The following KIAA1549 variants were observed in gnomAD, a reference collection of about 807,000 sequenced individuals.
KIAA1549 encodes KIAA1549, also known as UPF0606 protein KIAA1549.
KIAA1549 carries 70 observed loss-of-function variants against 156.4 expected under a neutral mutation model. That is an observed-to-expected ratio of 0.45 (90% CI 0.37 to 0.55). KIAA1549 has a LOEUF of 0.55. Ranked by LOEUF, KIAA1549 falls within the 20% of genes least tolerant of loss-of-function variation. The probability of loss-of-function intolerance (pLI) is 0.00; values close to 1 mark genes in which losing one functional copy is unlikely to be tolerated. For synonymous variants in KIAA1549, 1,103 were observed against 1,066.4 expected, an observed-to-expected ratio of 1.03 and a Z score of -0.67; for missense variants, 2,428 against 2,540.9, an observed-to-expected ratio of 0.96 and a Z score of 0.96.
intron 2 of KIAA1549, 90 bp from the exon 3 acceptor site, chr7:138,912,550 A>C: frequency 4.9e-6 from 5 of 1,015,674 alleles, no homozygotes; most frequent in Non-Finnish European, 7.7e-6. Context: ...CTGTGCCAAA[A>C]TGTGTTAGCA....
intron 16 of KIAA1549, among the ~76,000 whole-genome samples, chr7:138,852,573 T>TCTGTATCTTCTGCTGCAAAC (rs1406348107): frequency 6.6e-6 from 1 of 152,210 alleles, no homozygotes. Context: ...CACAGATCCA[T>TCTGTATCTTCTGCTGCAAAC]CTGTATCTTC....
At chr7:138,920,815 T>C (rs1812544756) in intron 1 of KIAA1549, among the ~76,000 whole-genome samples, 1 of 152,260 alleles carries the variant, frequency 6.6e-6, no homozygotes, top group African/African-American at 2.4e-5. Context: ...AAGGACAGTC[T>C]TGAATTTACT....
intron 15 of KIAA1549, among the ~76,000 whole-genome samples, chr7:138,865,426 A>G (rs1810708699): frequency 6.6e-6 from 1 of 150,560 alleles, no homozygotes; most frequent in Non-Finnish European, 1.5e-5. Context: ...CTTCCCTAGT[A>G]TAGGCTTGAA....
chr7:138,910,700 ATTTTTTT>A (rs10686011), intron 4 of KIAA1549, among the ~76,000 whole-genome samples: 6 of 112,018 alleles, frequency 5.4e-5, no homozygotes, highest in African/African-American at 1.5e-4. Context: ...ACTTGGTCTA[ATTTTTTT>A]TTTTTTTTTT....
At chr7:138,978,486 T>C (rs1814445197) in intron 1 of KIAA1549, among the ~76,000 whole-genome samples, 1 of 152,200 alleles carries the variant, frequency 6.6e-6, no homozygotes, top group South Asian at 2.1e-4. Context: ...GTAAATTTTT[T>C]TTTTAAAAAA....
At chr7:138,846,317 C>T (rs1332973660) in intron 17 of KIAA1549, among the ~76,000 whole-genome samples, 3 of 152,102 alleles carry the variant, frequency 2.0e-5, no homozygotes, top group Middle Eastern at 3.4e-3. Flanking sequence ...GGCAGATCAC[C>T]TGAGGTCAGG....
At position 138,916,959 on chromosome 7, in the gene KIAA1549, A is replaced by G; in HGVS notation, c.2667T>C (p.Gly889=). The G allele has an allele frequency of 1.2e-6, 2 of 1,604,426 alleles. No homozygotes were observed. The highest frequency in any genetic ancestry group is 2.2e-5 in the South Asian group (2 of 89,140). ...TSTEVSTTST[G]AATGGPLDST... is the part of the protein sequence containing the mutation. Reference sequence around the variant, plus strand: ...AGTCGAGGGGACCACCAGTGGCAGCACCGGTGCTGGTTGTGCTCACTTCCG... The same window carrying G: ...AGTCGAGGGGACCACCAGTGGCAGCGCCGGTGCTGGTTGTGCTCACTTCCG... Residue 889 remains glycine, a synonymous_variant, in exon 2 of 20, where the codon GGT becomes GGC. Transcript: ENST00000422774.
chr7:138,848,469 C>T (rs1810140756), intron 17 of KIAA1549, among the ~76,000 whole-genome samples: 1 of 152,192 alleles, frequency 6.6e-6, no homozygotes, highest in Non-Finnish European at 1.5e-5. Context: ...ACTTACACTG[C>T]TTGGTTTTTA....
At chr7:138,916,596 C>T (rs1228616111) in intron 2 of KIAA1549, among the ~76,000 whole-genome samples, 152 bp downstream of exon 2, 2 of 152,120 alleles carry the variant, frequency 1.3e-5, no homozygotes, top group Non-Finnish European at 2.9e-5. Flanking sequence ...TCTGAGAACT[C>T]GCAGGAGGTA....
intron 1 of KIAA1549, among the ~76,000 whole-genome samples, chr7:138,946,012 T>C (rs1434442569): frequency 3.3e-5 from 5 of 151,858 alleles, no homozygotes; most frequent in Non-Finnish European, 7.4e-5. Flanking sequence ...AGCTTACAAG[T>C]TCCCCTTCCC....
intron 5 of KIAA1549, among the ~76,000 whole-genome samples, chr7:138,907,871 G>A (rs142171500): frequency 0.011 from 1,622 of 152,178 alleles, 30 homozygotes; most frequent in African/African-American, 0.037. Flanking sequence ...GAATGAAAAC[G>A]CAGCTAGCTC....
intron 10 of KIAA1549, among the ~76,000 whole-genome samples, chr7:138,892,930 C>T (rs1811582118): frequency 6.6e-6 from 1 of 152,146 alleles, no homozygotes; most frequent in Non-Finnish European, 1.5e-5. Flanking sequence ...ATCTGGGAGA[C>T]CCACGGAAAG....
intron 1 of KIAA1549, among the ~76,000 whole-genome samples, chr7:138,943,765 C>T (rs934847583): frequency 3.3e-5 from 5 of 151,876 alleles, no homozygotes; most frequent in East Asian, 3.9e-4. Context: ...AGGCGAATGG[C>T]GTGAACCCGG....
At chr7:138,909,353 A>G (rs761072847) in intron 4 of KIAA1549, among the ~76,000 whole-genome samples, 38 of 152,220 alleles carry the variant, frequency 2.5e-4, no homozygotes, top group Non-Finnish European at 4.6e-4. Context: ...AAAATGAAAA[A>G]TATCTAAGAT....
chr7:138,938,312 G>A (rs1813077689), intron 1 of KIAA1549, among the ~76,000 whole-genome samples: 1 of 152,116 alleles, frequency 6.6e-6, no homozygotes, highest in South Asian at 2.1e-4. Context: ...CAGCCCAAAT[G>A]GACTAAGACA....
chr7:138,978,924 C>T (rs997906115), intron 1 of KIAA1549, among the ~76,000 whole-genome samples: 1 of 152,226 alleles, frequency 6.6e-6, no homozygotes, highest in Non-Finnish European at 1.5e-5. Flanking sequence ...GGAAGCCACC[C>T]TCCACCAAGA....
rs148007950 is a variant in KIAA1549, at chr7:138,916,913, C to T, written c.2713G>A (p.Ala905Thr). The T allele has an allele frequency of 8.1e-6, 13 of 1,612,884 alleles. No individual in the cohort carries two copies. The highest frequency in any genetic ancestry group is 4.5e-5 in the East Asian group (2 of 44,880). ...CTACTCTCTGGGGGGCTCTGACTTG[C>T]GGCGTCACCCATCAGGGTGGAGTCG... is the stretch of plus-strand genomic sequence containing the variant. ...PLDSTLMGDA[A>T]SQSPPESSAA... The change falls in exon 2 of 20, where the codon GCA becomes ACA. Residue 905 changes from alanine (A) to threonine (T), a missense_variant. This residue lies in a region of KIAA1549 where 762 missense variants were observed against 901.6 expected (regional missense o/e 0.85). Coordinates refer to ENST00000422774, the MANE Select transcript of KIAA1549 (RefSeq NM_001164665.2).
At chr7:138,878,771 T>C (rs1401965695) in intron 12 of KIAA1549, among the ~76,000 whole-genome samples, 1 of 150,704 alleles carries the variant, frequency 6.6e-6, no homozygotes, top group African/African-American at 2.4e-5. Flanking sequence ...CAAAAAAAAA[T>C]AGTAATAATA....
chr7:138,842,198 A>C (rs1227431733), intron 18 of KIAA1549, among the ~76,000 whole-genome samples: 2 of 152,228 alleles, frequency 1.3e-5, no homozygotes, highest in African/African-American at 2.4e-5. Flanking sequence ...CAGTAGCTGA[A>C]ATCATCATTC....
Sources: allele counts gnomAD v4.1 joint callset (sites outside exome capture counted in the v4.1 genomes callset), GRCh38; gene constraint gnomAD v4.1.1; regional missense constraint gnomAD v4.1.1; transcripts MANE v1.5; gene names NCBI Gene and HGNC (gene_info 2026-07-23, HGNC 2026-07-21).